The following RNF138 variants were observed in gnomAD, a reference collection of about 807,000 sequenced individuals.
RNF138 encodes the protein E3 ubiquitin-protein ligase RNF138.
Under a neutral mutation model 31.0 loss-of-function variants are expected in RNF138, and 12 were observed. The observed-to-expected ratio is 0.39, with a 90% CI of 0.25 to 0.63. The LOEUF is 0.63. Among genes scored for constraint, RNF138 ranks in the 20% least tolerant of loss-of-function variants. RNF138 has a pLI of 0.52. For missense variants in RNF138, 192 were observed against 300.1 expected (o/e 0.64, Z 2.66); for synonymous variants, 105 against 99.5 (o/e 1.06, Z -0.33).
At chr18:32,118,609 T>C (rs1568237455) in intron 4 of RNF138, among the ~76,000 whole-genome samples, 3 of 150,386 alleles carry the variant, frequency 2.0e-5, no homozygotes, top group South Asian at 4.2e-4. Context: ...GGTGGGTGGA[T>C]CACTAGGTCA....
intron 2 of RNF138, among the ~76,000 whole-genome samples, chr18:32,095,993 T>C (rs1236012592): frequency 6.6e-6 from 1 of 152,144 alleles, no homozygotes; most frequent in Non-Finnish European, 1.5e-5. Context: ...ATTCAGTGTT[T>C]GTGGGGAATG....
In RNF138 at chr18:32,123,467, G is replaced by A. The variant is rs777208385; in HGVS notation, c.393-51G>A. On this transcript the variant is annotated intron_variant, in intron 4 of 7. Transcript: ENST00000261593. ...AATGGTTCAAGATAATGAACCTTTA[G>A]TGTGTTTTCATTACTTTGAGGTATT... The A allele has an allele frequency of 8.0e-6, 9 of 1,131,608 alleles. No homozygotes were observed. The African/African-American group carries it at 1.1e-4, about 14-fold the overall frequency. The allele number at this position is 1,131,608 out of a possible 1,614,324, so 70.1% of individuals were successfully genotyped here.
intron 1 of RNF138, 102 bp downstream of exon 1, chr18:32,092,337 G>A (rs896100387): frequency 6.3e-6 from 1 of 158,872 alleles, no homozygotes; most frequent in Admixed American, 6.5e-5. Flanking sequence ...CTCGGGGTCG[G>A]GGTGAGTAGA....
intron 2 of RNF138, among the ~76,000 whole-genome samples, chr18:32,093,841 A>G (rs2039754754): frequency 6.6e-6 from 1 of 152,210 alleles, no homozygotes; most frequent in African/African-American, 2.4e-5. Context: ...GACCTGACTG[A>G]TGATCAGAGT....
At chr18:32,092,604 C>G (rs1208149812) in intron 1 of RNF138, 96 bp from the exon 2 acceptor site, 2 of 593,566 alleles carry the variant, frequency 3.4e-6, no homozygotes, top group Non-Finnish European at 3.0e-6. Context: ...GCAGTAGCGT[C>G]TCTGCGTTCG....
intron 2 of RNF138, among the ~76,000 whole-genome samples, chr18:32,103,693 G>A (rs1450520714): frequency 1.3e-5 from 2 of 152,152 alleles, no homozygotes; most frequent in African/African-American, 2.4e-5. Context: ...GCCGGGTGTG[G>A]TGGCTCACGC....
chr18:32,120,786 G>A (rs2040291098), intron 4 of RNF138, among the ~76,000 whole-genome samples: 1 of 152,178 alleles, frequency 6.6e-6, no homozygotes, highest in Non-Finnish European at 1.5e-5. Context: ...GAAGTTTTGT[G>A]ATTGCATTAC....
chr18:32,115,423 C>T lies in RNF138; in HGVS notation c.392+1563C>T, dbSNP rs544936947. Reference sequence around the variant, plus strand: ...TCCTCTAATCTGTTTTACATTCTATCGCCAAAGTAATATTAATGAAGTATA... The same window carrying T: ...TCCTCTAATCTGTTTTACATTCTATTGCCAAAGTAATATTAATGAAGTATA... On this transcript the variant is annotated intron_variant, in intron 4 of 7. Coordinates refer to ENST00000261593, the MANE Select transcript of RNF138 (RefSeq NM_016271.5). Among the ~76,000 whole-genome samples, 21 of 152,170 alleles carry T rather than the reference C, an allele frequency of 1.4e-4. No individual in the cohort carries two copies. The East Asian group carries it at 1.7e-3, about 13-fold the overall frequency.
At chr18:32,118,188 A>C (rs1668685247) in intron 4 of RNF138, among the ~76,000 whole-genome samples, 1 of 152,204 alleles carries the variant, frequency 6.6e-6, no homozygotes, top group Admixed American at 6.5e-5. Flanking sequence ...CTGGCATAGT[A>C]TTAAAATGTT....
At chr18:32,110,126 G>T (rs951292667) in intron 2 of RNF138, among the ~76,000 whole-genome samples, 6 of 152,124 alleles carry the variant, frequency 3.9e-5, no homozygotes, top group African/African-American at 1.4e-4. Flanking sequence ...GCTGGGACTG[G>T]ACGTGCATGC....
intron 2 of RNF138, among the ~76,000 whole-genome samples, chr18:32,103,196 A>G (rs1282835503): frequency 1.3e-5 from 2 of 151,516 alleles, no homozygotes; most frequent in African/African-American, 2.4e-5. Context: ...TTTTTTGGTT[A>G]GAGACTAGTT....
At chr18:32,125,495 GGA>G (rs1480298210) in intron 6 of RNF138, among the ~76,000 whole-genome samples, 1 of 152,144 alleles carries the variant, frequency 6.6e-6, no homozygotes, top group South Asian at 2.1e-4. Context: ...AACTGAGCTG[GGA>G]GAGAGATTTC....
chr18:32,129,200 T>A lies in RNF138; in HGVS notation c.*13T>A, dbSNP rs1422079058. 6.3e-7 allele frequency: 1 copy of A among 1,597,026 alleles called. No homozygotes were observed. Among genetic ancestry groups the A allele is most frequent in the Admixed American group, 1.7e-5 (1 of 59,978 alleles). On this transcript the variant is annotated 3_prime_UTR_variant, in exon 8 of 8. Transcript: ENST00000261593. ...AGTAAACATCTGAAGGCTGTAGACA[T>A]CTCTGCATCTTTGTACCTGCAAGTG...
At chr18:32,106,913 T>C (rs2040039088) in intron 2 of RNF138, among the ~76,000 whole-genome samples, 1 of 152,060 alleles carries the variant, frequency 6.6e-6, no homozygotes, top group Non-Finnish European at 1.5e-5. Context: ...TGGTTGTGAC[T>C]CTTAAATTTA....
chr18:32,111,997 G>GTTT, intron 3 of RNF138, 78 bp downstream of exon 3: 1 of 1,202,248 alleles, frequency 8.3e-7, no homozygotes, highest in Non-Finnish European at 1.1e-6. Context: ...TTCTTGGTTG[G>GTTT]TGTTTTTTTT....
At chr18:32,103,773 C>T (rs1000342298) in intron 2 of RNF138, among the ~76,000 whole-genome samples, 1 of 151,852 alleles carries the variant, frequency 6.6e-6, no homozygotes, top group Non-Finnish European at 1.5e-5. Flanking sequence ...ATCATCCTGG[C>T]TAACATGGTG....
At chr18:32,101,233 AAGAC>A (rs2039934089) in intron 2 of RNF138, among the ~76,000 whole-genome samples, 1 of 148,178 alleles carries the variant, frequency 6.7e-6, no homozygotes, top group African/African-American at 2.5e-5. Context: ...TTTTTTTTCA[AAGAC>A]AGAGTCTGGC....
chr18:32,124,919 G>T, intron 6 of RNF138, 74 bp downstream of exon 6: 1 of 751,146 alleles, frequency 1.3e-6, no homozygotes, highest in South Asian at 1.6e-5. Flanking sequence ...CTTCATGTAT[G>T]CAAGAGAAAG....
chr18:32,104,192 T>C (rs2039990864), intron 2 of RNF138, among the ~76,000 whole-genome samples: 1 of 151,660 alleles, frequency 6.6e-6, no homozygotes, highest in Admixed American at 6.6e-5. Context: ...TTTTGTATTT[T>C]AGTAGAGACA....
Sources: allele counts gnomAD v4.1 joint callset (sites outside exome capture counted in the v4.1 genomes callset), GRCh38; gene constraint gnomAD v4.1.1; transcripts MANE v1.5; gene names NCBI Gene and HGNC (gene_info 2026-07-23, HGNC 2026-07-21).